Variants in PTPRZ1 observed in about 807,000 individuals in gnomAD.
PTPRZ1 encodes protein tyrosine phosphatase receptor type Z1, also known as receptor-type tyrosine-protein phosphatase zeta.
Under a neutral mutation model 214.1 loss-of-function variants are expected in PTPRZ1, and 82 were observed. That is an observed-to-expected ratio of 0.38 (90% CI 0.32 to 0.46). The LOEUF is 0.46. PTPRZ1 is among the 20% of genes least tolerant of loss of function. PTPRZ1 has a pLI of 1.00. For missense variants in PTPRZ1, 2,603 were observed against 2,748.7 expected, an observed-to-expected ratio of 0.95 and a Z score of 1.19; for synonymous variants, 945 against 987.9, an observed-to-expected ratio of 0.96 and a Z score of 0.81.
At chr7:121,993,686 A>G (rs903538164) in intron 8 of PTPRZ1, among the ~76,000 whole-genome samples, 4 of 152,006 alleles carry the variant, frequency 2.6e-5, no homozygotes, top group African/African-American at 9.7e-5. Flanking sequence ...CACTTCTTCT[A>G]TGGTCATTCC....
intron 4 of PTPRZ1, among the ~76,000 whole-genome samples, chr7:121,975,246 A>G (rs1045502251): frequency 6.6e-5 from 10 of 152,176 alleles, no homozygotes; most frequent in Non-Finnish European, 1.5e-4. Flanking sequence ...GGAGGTCAGA[A>G]AAAAGTTTGC....
chr7:122,013,021 A>C lies in PTPRZ1; in HGVS notation c.3975A>C (p.Thr1325=), dbSNP rs1291449515. ...PVLSIDEPLN[T]LINKLIHSDE... is the part of the protein sequence containing the mutation. ...TATCAATTGATGAACCATTAAATAC[A>C]CTAATAAATAAGCTTATACATTCCG... The change falls in exon 12 of 30, where the codon ACA becomes ACC. Residue 1325 remains threonine, a synonymous_variant. Coordinates refer to ENST00000393386, the MANE Select transcript of PTPRZ1 (RefSeq NM_002851.3). 1.2e-6 allele frequency: 2 copies of C among 1,614,134 alleles called. No homozygotes were observed. The highest frequency in any genetic ancestry group is 4.5e-5 in the East Asian group (2 of 44,888).
chr7:122,013,259 A>G lies in PTPRZ1; in HGVS notation c.4213A>G (p.Ser1405Gly), dbSNP rs1252786061. 2 of 1,614,064 alleles carry G rather than the reference A, an allele frequency of 1.2e-6. No homozygotes were observed. The highest frequency in any genetic ancestry group is 1.7e-6 in the Non-Finnish European group (2 of 1,180,030). The part of the protein sequence containing the change: ...PSKATSELSH[S>G]AKSDAGLVGG... The stretch of plus-strand genomic sequence containing the variant: ...TAAGGCAACTTCTGAGCTGAGTCAT[A>G]GTGCCAAATCTGATGCCGGTTTAGT... The change falls in exon 12 of 30, where the codon AGT becomes GGT. Residue 1405 changes from serine to glycine, a missense_variant. Transcript: ENST00000393386.
intron 2 of PTPRZ1, among the ~76,000 whole-genome samples, chr7:121,929,332 A>G (rs1167708108): frequency 6.6e-6 from 1 of 152,004 alleles, no homozygotes; most frequent in Non-Finnish European, 1.5e-5. Context: ...GCTGATCATG[A>G]TAGTTAATCT....
At chr7:121,994,356 G>A (rs1446938299) in intron 8 of PTPRZ1, among the ~76,000 whole-genome samples, 4 of 134,316 alleles carry the variant, frequency 3.0e-5, no homozygotes, top group Admixed American at 1.8e-4. Context: ...GTGCAGTGGC[G>A]CAATCTGGGC....
intron 1 of PTPRZ1, among the ~76,000 whole-genome samples, chr7:121,903,401 A>G (rs1342373909): frequency 6.6e-6 from 1 of 152,264 alleles, no homozygotes; most frequent in East Asian, 1.9e-4. Context: ...GGAGAGATGC[A>G]TTTTATTGCA....
chr7:121,936,291 A>C (rs1916878), intron 2 of PTPRZ1, among the ~76,000 whole-genome samples: 29,568 of 152,164 alleles, frequency 0.19, 3,045 homozygotes, highest in Admixed American at 0.23. Flanking sequence ...GAGGCACAGA[A>C]TCACAAAAAT....
chr7:121,885,952 C>G (rs980723177), intron 1 of PTPRZ1, among the ~76,000 whole-genome samples: 1 of 152,084 alleles, frequency 6.6e-6, no homozygotes, highest in East Asian at 1.9e-4. Flanking sequence ...CATATAAACC[C>G]TTTTATGGTG....
chr7:122,044,350 G>A (rs996050990), intron 22 of PTPRZ1, 72 bp from the exon 23 acceptor site: 1 of 1,548,512 alleles, frequency 6.5e-7, no homozygotes, highest in Non-Finnish European at 8.9e-7. Flanking sequence ...TCAATGGAAG[G>A]TACTATGTTT....
At chr7:121,923,146 C>G (rs1030091711) in intron 1 of PTPRZ1, among the ~76,000 whole-genome samples, 61 of 152,302 alleles carry the variant, frequency 4.0e-4, no homozygotes, top group African/African-American at 1.4e-3. Flanking sequence ...TCTTGATCCT[C>G]ATGCCTTTTC....
At position 121,873,456 on chromosome 7, in the gene PTPRZ1, G is replaced by C; in HGVS notation, c.-44G>C. The C allele has an allele frequency of 1.2e-6, 2 of 1,604,042 alleles. No individual in the cohort carries two copies. Among genetic ancestry groups the C allele is most frequent in the Non-Finnish European group, 1.7e-6 (2 of 1,172,672 alleles). On this transcript the variant is annotated 5_prime_UTR_variant, in exon 1 of 30. Coordinates refer to ENST00000393386, the MANE Select transcript of PTPRZ1 (RefSeq NM_002851.3). ...CGCTCCCCCTCCCTCTCCACTCTGA[G>C]AAGCAGAGGAGCCGCACGGCGAGGG...
Position 121,972,711 on chromosome 7 carries a change from T to C in PTPRZ1, c.456+19T>C, listed in dbSNP as rs912252763. On this transcript the variant is annotated intron_variant, in intron 4 of 29. Coordinates refer to ENST00000393386, the MANE Select transcript of PTPRZ1 (RefSeq NM_002851.3). Reference sequence around the variant, plus strand: ...ACTTGAGGTAAGTCAGGAGATCTGCTGTGTACTATTTTATTTTCTAAATAA... The same window carrying C: ...ACTTGAGGTAAGTCAGGAGATCTGCCGTGTACTATTTTATTTTCTAAATAA... 6.5e-7 allele frequency: 1 copy of C among 1,530,574 alleles called. No homozygotes were observed. Among genetic ancestry groups the C allele is most frequent in the Non-Finnish European group, 8.8e-7 (1 of 1,135,534 alleles). 94.8% of individuals were successfully genotyped at this position (1,530,574 alleles called of 1,614,324 possible).
At chr7:121,992,436 A>G (rs1797997249) in intron 8 of PTPRZ1, among the ~76,000 whole-genome samples, 1 of 152,192 alleles carries the variant, frequency 6.6e-6, no homozygotes, top group African/African-American at 2.4e-5. Context: ...TCCACAGATC[A>G]CATCCATTCC....
chr7:121,910,141 G>T (rs779392157), intron 1 of PTPRZ1, among the ~76,000 whole-genome samples: 3 of 152,044 alleles, frequency 2.0e-5, no homozygotes, highest in Non-Finnish European at 4.4e-5. Context: ...AACACATGGG[G>T]CTTGGTCTTG....
chr7:121,939,480 T>C (rs181351679), intron 2 of PTPRZ1, among the ~76,000 whole-genome samples: 164 of 152,352 alleles, frequency 1.1e-3, no homozygotes, highest in African/African-American at 3.7e-3. Context: ...ATAAATGACA[T>C]GTAGTTTTTC....
chr7:121,987,398 G>T, intron 8 of PTPRZ1, among the ~76,000 whole-genome samples: 1 of 152,244 alleles, frequency 6.6e-6, no homozygotes, highest in African/African-American at 2.4e-5. Flanking sequence ...TTGGTAGAAT[G>T]ATTTATTTTC....
intron 2 of PTPRZ1, among the ~76,000 whole-genome samples, chr7:121,944,620 AT>A (rs1796318750): frequency 6.7e-6 from 1 of 149,326 alleles, no homozygotes; most frequent in Non-Finnish European, 1.5e-5. Flanking sequence ...AGGACAAATT[AT>A]TTTAGTGCCA....
At chr7:121,994,604 G>A (rs1238336068) in intron 8 of PTPRZ1, among the ~76,000 whole-genome samples, 1 of 152,102 alleles carries the variant, frequency 6.6e-6, no homozygotes, top group Non-Finnish European at 1.5e-5. Context: ...GGAGGACGAA[G>A]TCTACAAATG....
At chr7:122,029,838 T>C (rs2116717806) in intron 14 of PTPRZ1, among the ~76,000 whole-genome samples, 1 of 151,984 alleles carries the variant, frequency 6.6e-6, no homozygotes, top group African/African-American at 2.4e-5. Flanking sequence ...TTTGCTATTT[T>C]TCCTCTTTTG....
Sources: allele counts gnomAD v4.1 joint callset (sites outside exome capture counted in the v4.1 genomes callset), GRCh38; gene constraint gnomAD v4.1.1; transcripts MANE v1.5; gene names NCBI Gene and HGNC (gene_info 2026-07-23, HGNC 2026-07-21).